PTK2: variants seen among roughly 807,000 people sequenced by gnomAD.
PTK2 encodes the protein focal adhesion kinase 1.
Under a neutral mutation model 150.1 loss-of-function variants are expected in PTK2, and 45 were observed. The ratio of observed to expected loss-of-function variants is 0.30; its 90% CI spans 0.24 to 0.38. The LOEUF (loss-of-function observed/expected upper bound fraction) is 0.38, where lower values mean the gene tolerates loss of function less well. Ranked by LOEUF, PTK2 falls within the 10% of genes least tolerant of loss-of-function variation. The pLI is 1.00. For missense variants in PTK2, 919 were observed against 1,307.3 expected (o/e 0.70, Z 4.58); for synonymous variants, 432 against 449.2 (o/e 0.96, Z 0.48).
At chr8:140,796,545 T>C (rs752366058) in intron 12 of PTK2, among the ~76,000 whole-genome samples, 1 of 152,182 alleles carries the variant, frequency 6.6e-6, no homozygotes, top group Non-Finnish European at 1.5e-5. Context: ...AGGAATCCAT[T>C]ATTATATTTT....
chr8:140,820,090 TTTTTTTTTTTTTTTTTTTTTTTTTTTTTA>T (rs1421901590), intron 8 of PTK2, among the ~76,000 whole-genome samples: 9 of 60,170 alleles, frequency 1.5e-4, no homozygotes, highest in South Asian at 6.4e-4. Flanking sequence ...TTTTTTTTTT[TTTTTTTTTTTTTTTTTTTTTTTTTTTTTA>T]AATAGGGTCT....
intron 7 of PTK2, chr8:140,833,133 T>A (rs2100116526): frequency 3.8e-5 from 19 of 496,704 alleles, no homozygotes; most frequent in South Asian, 2.5e-4. Context: ...TAAAGACGAA[T>A]ACTAGGTATT....
intron 23 of PTK2, among the ~76,000 whole-genome samples, chr8:140,711,249 G>T (rs2154194376): frequency 1.3e-5 from 2 of 152,264 alleles, no homozygotes; most frequent in Middle Eastern, 6.8e-3. Flanking sequence ...TGGGATTATA[G>T]GTGCATACCA....
chr8:140,659,096 A>G (rs1446717641), exon 32 of PTK2: 1 of 259,344 alleles, frequency 3.9e-6, no homozygotes, highest in East Asian at 5.9e-5. Context: ...TCCACTATGC[A>G]GCTAAGGTAG....
At chr8:140,769,315 C>T (rs1220589138) in intron 14 of PTK2, among the ~76,000 whole-genome samples, 3 of 152,098 alleles carry the variant, frequency 2.0e-5, no homozygotes, top group Non-Finnish European at 4.4e-5. Flanking sequence ...TAAGAACTCT[C>T]AAAGTTTTAA....
chr8:140,929,093 G>A (rs1006643521), intron 1 of PTK2, among the ~76,000 whole-genome samples: 1 of 143,128 alleles, frequency 7.0e-6, no homozygotes, highest in Non-Finnish European at 1.5e-5. Context: ...AGCCTCCCAA[G>A]TAGCTGGGAC....
chr8:140,775,269 G>C (rs2100077751), intron 14 of PTK2, among the ~76,000 whole-genome samples: 1 of 152,120 alleles, frequency 6.6e-6, no homozygotes, highest in South Asian at 2.1e-4. Flanking sequence ...CAGATCACCT[G>C]AGCTCTGGAG....
chr8:140,754,994 T>G (rs1198050635), intron 16 of PTK2, among the ~76,000 whole-genome samples: 1 of 152,198 alleles, frequency 6.6e-6, no homozygotes, highest in East Asian at 1.9e-4. Flanking sequence ...AAAAGAGAAG[T>G]TTTTCATTGT....
intron 4 of PTK2, chr8:140,879,133 T>TAATATATATATATA (rs567250604): frequency 1.2e-5 from 2 of 162,442 alleles, no homozygotes; most frequent in African/African-American, 4.8e-5. Flanking sequence ...GATGAAAACA[T>TAATATATATATATA]TATATATATA....
chr8:140,930,826 C>A (rs576985705), intron 1 of PTK2, among the ~76,000 whole-genome samples: 2 of 152,230 alleles, frequency 1.3e-5, no homozygotes, highest in Admixed American at 6.5e-5. Context: ...GTAATCCCAG[C>A]ACTTTGAGAG....
intron 31 of PTK2, 46 bp downstream of exon 35, chr8:140,664,871 G>C: frequency 6.4e-7 from 1 of 1,571,446 alleles, no homozygotes; most frequent in South Asian, 1.1e-5. Context: ...ATGTGTCCCT[G>C]CCCAGTGCTG....
intron 26 of PTK2, among the ~76,000 whole-genome samples, chr8:140,694,520 C>T (rs1181346698): frequency 6.6e-6 from 1 of 152,148 alleles, no homozygotes; most frequent in Non-Finnish European, 1.5e-5. Context: ...TCCATGCAGT[C>T]TGAGAAGCCC....
chr8:140,915,904 A>AAAAC (rs71309000), intron 2 of PTK2, among the ~76,000 whole-genome samples: 200 of 150,838 alleles, frequency 1.3e-3, no homozygotes, highest in East Asian at 2.7e-3. Flanking sequence ...TCGGTCTCAA[A>AAAAC]AAACAAACAA....
chr8:140,793,525 C>T, intron 12 of PTK2, 141 bp from the exon 13 acceptor site: 1 of 768,008 alleles, frequency 1.3e-6, no homozygotes, highest in Non-Finnish European at 2.0e-6. Flanking sequence ...CACTGTCTAC[C>T]TTAGGTTCTC....
At chr8:140,788,641 G>A (rs1412059662) in intron 14 of PTK2, among the ~76,000 whole-genome samples, 6 of 152,088 alleles carry the variant, frequency 3.9e-5, no homozygotes, top group Admixed American at 1.3e-4. Flanking sequence ...CTGAGATCGC[G>A]CCACTGCACT....
chr8:140,668,498 G>C lies in PTK2; in HGVS notation c.2710-74C>G. ...GAGATCACCACAATCAAGCTAGAGA[G>C]GGTCTTTACAAGAGATCAAAGCAGA... On this transcript the variant is annotated intron_variant, in intron 29 of 31. Transcript: ENST00000522684. The C allele has an allele frequency of 3.3e-6, 5 of 1,496,026 alleles. No individual in the cohort carries two copies. In the South Asian group the frequency reaches 6.6e-5, roughly 20 times the overall value. The allele number at this position is 1,496,026 out of a possible 1,614,324, so 92.7% of individuals were successfully genotyped here.
intron 3 of PTK2, among the ~76,000 whole-genome samples, chr8:140,885,227 A>G (rs1427979147): frequency 6.6e-6 from 1 of 151,514 alleles, no homozygotes. Flanking sequence ...TATCAAATCA[A>G]TATCTTTGTG....
At chr8:140,822,388 C>G (rs1412975965) in intron 8 of PTK2, 2 of 151,114 alleles carry the variant, frequency 1.3e-5, no homozygotes, top group Admixed American at 6.6e-5. Flanking sequence ...ACACACACTA[C>G]CAAAAAATGA....
rs1423017566 is a variant in PTK2 at position 140,760,399 on chromosome 8, A to G, written c.1332+766T>C. Among the ~76,000 whole-genome samples, 7 of 152,216 alleles carry G rather than the reference A, an allele frequency of 4.6e-5. 1 individual carries two copies. In the South Asian group the frequency reaches 1.0e-3, roughly 22 times the overall value. ...ATACAAAAGAGTATTATTTGGCAAT[A>G]AAAAGGAATGAAGTACTAACACATA... On this transcript the variant is annotated intron_variant, in intron 16 of 31. Coordinates refer to ENST00000522684, the Ensembl canonical transcript of PTK2.
Sources: allele counts gnomAD v4.1 joint callset (sites outside exome capture counted in the v4.1 genomes callset), GRCh38; gene constraint gnomAD v4.1.1; transcripts MANE v1.5; gene names NCBI Gene and HGNC (gene_info 2026-07-23, HGNC 2026-07-21).